RAB5A: variants seen among roughly 807,000 people sequenced by gnomAD.
RAB5A encodes the protein RAB5A, member RAS oncogene family.
RAB5A carries 8 observed loss-of-function variants against 25.7 expected under a neutral mutation model. The ratio of observed to expected loss-of-function variants is 0.31; its 90% CI spans 0.18 to 0.56. RAB5A has a LOEUF of 0.56. RAB5A is among the 20% of genes least tolerant of loss of function. The pLI is 0.91. For synonymous variants in RAB5A, 98 were observed against 89.8 expected, an observed-to-expected ratio of 1.09 and a Z score of -0.52; for missense variants, 192 against 259.7, an observed-to-expected ratio of 0.74 and a Z score of 1.79.
intron 5 of RAB5A, 74 bp downstream of exon 5, chr3:19,978,477 C>T: frequency 8.5e-7 from 1 of 1,171,208 alleles, no homozygotes; most frequent in Non-Finnish European, 1.2e-6. Context: ...TTGACTGTCT[C>T]TTTTTTAAAA....
At chr3:19,954,710 G>A (rs1696474358) in intron 2 of RAB5A, among the ~76,000 whole-genome samples, 1 of 152,064 alleles carries the variant, frequency 6.6e-6, no homozygotes, top group African/African-American at 2.4e-5. Flanking sequence ...CCCAGCTACT[G>A]AGAAGGCTGA....
intron 1 of RAB5A, 65 bp from the exon 2 acceptor site, chr3:19,950,741 A>T: frequency 3.1e-6 from 2 of 652,206 alleles, no homozygotes; most frequent in Non-Finnish European, 5.0e-6. Context: ...GGCAATATTT[A>T]AAGTGATTAA....
chr3:19,957,593 G>T (rs938297160), intron 2 of RAB5A, among the ~76,000 whole-genome samples: 2 of 151,916 alleles, frequency 1.3e-5, no homozygotes, highest in African/African-American at 4.8e-5. Flanking sequence ...AACCTGGGAG[G>T]CAGAGGTTGC....
Position 19,958,085 on chromosome 3 carries a change from G to GT in RAB5A, c.163+7026dup, listed in dbSNP as rs149682068. 6.3e-3 allele frequency among the ~76,000 whole-genome samples: 963 copies of GT among 152,268 alleles called. 11 individuals are homozygous for GT. Among genetic ancestry groups the GT allele is most frequent in the African/African-American group, 0.021 (875 of 41,548 alleles). On this transcript the variant is annotated intron_variant, in intron 2 of 5. Transcript: ENST00000273047. ...TTTTACCTTTTTGCATGTGCACATT[G>GT]TTAAAAGTGCTTTTGAGAAAGGATA... is the stretch of plus-strand genomic sequence containing the variant.
chr3:19,983,954 A>G lies in RAB5A; in HGVS notation c.*131A>G. 3.1e-6 allele frequency: 2 copies of G among 650,860 alleles called. No individual in the cohort carries two copies. Among genetic ancestry groups the G allele is most frequent in the East Asian group, 2.8e-5 (1 of 35,710 alleles). 40.3% of individuals were successfully genotyped at this position (650,860 alleles called of 1,614,324 possible). On this transcript the variant is annotated 3_prime_UTR_variant, in exon 6 of 6. Transcript: ENST00000273047. ...TATGATAGAGTCAAGTTTCTAATACAGAATTATTTTAAGTGTTTTGAACTT... is the reference window on the plus strand; with the variant it reads ...TATGATAGAGTCAAGTTTCTAATACGGAATTATTTTAAGTGTTTTGAACTT...
chr3:19,972,161 T>A (rs1696761442), intron 2 of RAB5A, among the ~76,000 whole-genome samples: 1 of 152,158 alleles, frequency 6.6e-6, no homozygotes. Context: ...CTTGGTTTAA[T>A]GCACAAAATT....
rs139798846 is a variant in RAB5A at position 19,964,551 on chromosome 3, C to CT, written c.164-11047dup. Among the ~76,000 whole-genome samples, 1,152 of 152,318 alleles carry CT rather than the reference C, an allele frequency of 7.6e-3. 2 individuals carry two copies. Among genetic ancestry groups the CT allele is most frequent in the Non-Finnish European group, 0.013 (863 of 68,030 alleles). Reference sequence around the variant, plus strand: ...TTAGCCCTGAAGGCGCCCATACTGACTTTATCAGTTTATTCTAGGGAGATC... The same window carrying CT: ...TTAGCCCTGAAGGCGCCCATACTGACTTTTATCAGTTTATTCTAGGGAGATC... On this transcript the variant is annotated intron_variant, in intron 2 of 5. Transcript: ENST00000273047.
intron 2 of RAB5A, among the ~76,000 whole-genome samples, chr3:19,956,193 C>T (rs781717864): frequency 7.2e-5 from 11 of 152,096 alleles, no homozygotes; most frequent in Non-Finnish European, 1.3e-4. Flanking sequence ...GTAGGCCGGG[C>T]GCAGTGGCTC....
At chr3:19,964,306 C>A (rs947913135) in intron 2 of RAB5A, among the ~76,000 whole-genome samples, 2 of 152,162 alleles carry the variant, frequency 1.3e-5, no homozygotes, top group Non-Finnish European at 2.9e-5. Context: ...AAGCTAATTT[C>A]CTTAACCTTT....
chr3:19,964,318 C>A (rs751345345), intron 2 of RAB5A, among the ~76,000 whole-genome samples: 2 of 152,114 alleles, frequency 1.3e-5, no homozygotes, highest in Admixed American at 6.5e-5. Flanking sequence ...TTAACCTTTT[C>A]TCTGTTGATA....
At position 19,985,156 on chromosome 3, in the gene RAB5A, T is replaced by C; in HGVS notation, c.*1333T>C. 2.1e-6 allele frequency: 1 copy of C among 468,884 alleles called. No homozygotes were observed. The highest frequency in any genetic ancestry group is 3.7e-6 in the Non-Finnish European group (1 of 268,288). 29.0% of individuals were successfully genotyped at this position (468,884 alleles called of 1,614,324 possible). ...TTATATTGAGGTGCTCAGGTTGGAA[T>C]AAAGTGGTATAAAAAGCAAGTATCG... On this transcript the variant is annotated 3_prime_UTR_variant, in exon 6 of 6. Transcript: ENST00000273047.
At chr3:19,949,963 A>G (rs889461282) in intron 1 of RAB5A, among the ~76,000 whole-genome samples, 1 of 152,176 alleles carries the variant, frequency 6.6e-6, no homozygotes, top group African/African-American at 2.4e-5. Context: ...GCTTGAGCCC[A>G]GGAGGTCTAG....
chr3:19,948,597 A>G (rs1696370080), intron 1 of RAB5A, among the ~76,000 whole-genome samples: 3 of 152,242 alleles, frequency 2.0e-5, no homozygotes, highest in Non-Finnish European at 2.9e-5. Flanking sequence ...ATACAAATGA[A>G]TGCACGTAAT....
chr3:19,954,377 A>G (rs1490049894), intron 2 of RAB5A, among the ~76,000 whole-genome samples: 2 of 152,132 alleles, frequency 1.3e-5, no homozygotes, highest in Non-Finnish European at 2.9e-5. Flanking sequence ...GTTCTGAAGC[A>G]CTCAAAATTT....
intron 2 of RAB5A, among the ~76,000 whole-genome samples, chr3:19,965,297 C>A (rs1696645228): frequency 6.6e-6 from 1 of 151,872 alleles, no homozygotes; most frequent in East Asian, 1.9e-4. Context: ...TTGTGTGTGC[C>A]TATAGTCCCA....
At chr3:19,980,423 A>G (rs1486475593) in intron 5 of RAB5A, among the ~76,000 whole-genome samples, 1 of 149,452 alleles carries the variant, frequency 6.7e-6, no homozygotes, top group Non-Finnish European at 1.5e-5. Flanking sequence ...TGGCCTTTCC[A>G]TTTCCTTCAC....
chr3:19,968,155 C>T (rs1167955106), intron 2 of RAB5A, among the ~76,000 whole-genome samples: 1 of 151,890 alleles, frequency 6.6e-6, no homozygotes, highest in Non-Finnish European at 1.5e-5. Flanking sequence ...GAACAAGACC[C>T]TTTCTCCCCT....
intron 2 of RAB5A, among the ~76,000 whole-genome samples, chr3:19,969,381 A>G (rs1485840605): frequency 6.6e-6 from 1 of 152,020 alleles, no homozygotes; most frequent in Non-Finnish European, 1.5e-5. Flanking sequence ...TAGGAGATAA[A>G]AATTGTTTTG....
chr3:19,978,171 A>G (rs1389527894), intron 4 of RAB5A, 139 bp from the exon 5 acceptor site: 5 of 678,686 alleles, frequency 7.4e-6, no homozygotes, highest in African/African-American at 5.5e-5. Flanking sequence ...AGCTTATTAT[A>G]TAGTTGTTGA....
Sources: gnomAD v4.1 joint callset for allele counts (sites outside exome capture counted in the v4.1 genomes callset) on GRCh38, gnomAD v4.1.1 for gene constraint, MANE v1.5 for transcripts, NCBI Gene and HGNC (gene_info 2026-07-23, HGNC 2026-07-21) for gene names.